CADM2: variants seen among roughly 807,000 people sequenced by gnomAD.
The protein encoded by CADM2 is immunoglobulin superfamily member 4D.
CADM2 carries 12 observed loss-of-function variants against 49.8 expected under a neutral mutation model. That is an observed-to-expected ratio of 0.24 (90% CI 0.15 to 0.39). The LOEUF is 0.39. CADM2 is among the 10% of genes least tolerant of loss of function. The probability of loss-of-function intolerance (pLI) is 1.00; values close to 1 mark genes in which losing one functional copy is unlikely to be tolerated. For synonymous variants in CADM2, 214 were observed against 175.4 expected (o/e 1.22, Z -1.74); for missense variants, 378 against 492.3 (o/e 0.77, Z 2.20).
chr3:84,988,917 T>C (rs1400484585), intron 1 of CADM2, among the ~76,000 whole-genome samples: 30 of 152,174 alleles, frequency 2.0e-4, no homozygotes, highest in Admixed American at 1.8e-3. Flanking sequence ...ATTTAAAAAA[T>C]TATTAATTTA....
intron 1 of CADM2, among the ~76,000 whole-genome samples, chr3:85,511,181 T>A (rs1367888833): frequency 6.6e-6 from 1 of 152,112 alleles, no homozygotes; most frequent in Non-Finnish European, 1.5e-5. Context: ...AGGTTTTGGC[T>A]ACTTTCTCAA....
chr3:85,541,746 T>TATATA (rs1553739241), intron 1 of CADM2, among the ~76,000 whole-genome samples: 7 of 27,774 alleles, frequency 2.5e-4, no homozygotes, highest in Non-Finnish European at 8.2e-4. Flanking sequence ...TATATATATT[T>TATATA]TATATATTTT....
chr3:85,369,047 T>G (rs1012796710), intron 1 of CADM2, among the ~76,000 whole-genome samples: 2 of 152,200 alleles, frequency 1.3e-5, no homozygotes, highest in African/African-American at 4.8e-5. Context: ...TTTCTTCTTA[T>G]GTCTTCCTTC....
chr3:85,324,597 T>A (rs1015895837), intron 1 of CADM2, among the ~76,000 whole-genome samples: 1 of 152,226 alleles, frequency 6.6e-6, no homozygotes, highest in Non-Finnish European at 1.5e-5. Context: ...GCAATTTTTT[T>A]ACATAATTTG....
intron 1 of CADM2, among the ~76,000 whole-genome samples, chr3:85,237,716 A>C (rs1328729190): frequency 6.6e-6 from 1 of 151,708 alleles, no homozygotes; most frequent in East Asian, 1.9e-4. Context: ...TTAAAATATA[A>C]AGTTGTCTTC....
At chr3:85,499,556 T>G (rs1262447771) in intron 1 of CADM2, among the ~76,000 whole-genome samples, 1 of 151,394 alleles carries the variant, frequency 6.6e-6, no homozygotes, top group Non-Finnish European at 1.5e-5. Flanking sequence ...ATTAATGTAT[T>G]ATTAAATAAT....
intron 8 of CADM2, among the ~76,000 whole-genome samples, chr3:86,019,461 T>C (rs1253006284): frequency 1.3e-5 from 2 of 151,204 alleles, no homozygotes; most frequent in Non-Finnish European, 2.9e-5. Flanking sequence ...CTGTAAATTA[T>C]CTTGGGCAGT....
chr3:85,816,279 G>A (rs1407696063), intron 3 of CADM2, among the ~76,000 whole-genome samples: 1 of 151,280 alleles, frequency 6.6e-6, no homozygotes, highest in Non-Finnish European at 1.5e-5. Context: ...CCAACCTAAA[G>A]GTTATTATAC....
intron 1 of CADM2, among the ~76,000 whole-genome samples, chr3:85,591,155 T>G (rs1001466632): frequency 2.0e-5 from 3 of 152,038 alleles, no homozygotes; most frequent in Admixed American, 2.0e-4. Context: ...TTAGTCCTTT[T>G]AAGCCTGTTA....
chr3:85,217,365 A>G (rs1410162508), intron 1 of CADM2, among the ~76,000 whole-genome samples: 1 of 152,004 alleles, frequency 6.6e-6, no homozygotes. Flanking sequence ...ATGTCATTGT[A>G]GAATTATATG....
At chr3:85,638,595 T>G (rs2107544206) in intron 1 of CADM2, among the ~76,000 whole-genome samples, 1 of 152,198 alleles carries the variant, frequency 6.6e-6, no homozygotes, top group South Asian at 2.1e-4. Flanking sequence ...TTGAGCATTT[T>G]TACTGTAAAT....
intron 1 of CADM2, among the ~76,000 whole-genome samples, chr3:85,019,533 T>C (rs1430378560): frequency 1.3e-5 from 2 of 152,264 alleles, no homozygotes; most frequent in African/African-American, 4.8e-5. Context: ...CCTTCAGTCC[T>C]GAGCAAACCA....
At chr3:85,143,193 T>C (rs1356917181) in intron 1 of CADM2, among the ~76,000 whole-genome samples, 2 of 152,210 alleles carry the variant, frequency 1.3e-5, no homozygotes, top group Non-Finnish European at 2.9e-5. Context: ...GGAATAATTT[T>C]ATTGTGTGAC....
At chr3:85,610,053 G>T (rs73843693) in intron 1 of CADM2, among the ~76,000 whole-genome samples, 1,701 of 151,994 alleles carry the variant, frequency 0.011, 35 homozygotes, top group African/African-American at 0.039. Flanking sequence ...TTTCACGATG[G>T]TAAAAATGAT....
intron 1 of CADM2, among the ~76,000 whole-genome samples, chr3:85,156,841 C>A (rs1420811414): frequency 1.3e-5 from 2 of 152,194 alleles, no homozygotes; most frequent in South Asian, 2.1e-4. Flanking sequence ...CTGGCCAGGG[C>A]AATTAGGCAG....
At chr3:85,160,983 C>G (rs1016278625) in intron 1 of CADM2, among the ~76,000 whole-genome samples, 30 of 152,236 alleles carry the variant, frequency 2.0e-4, no homozygotes, top group African/African-American at 6.5e-4. Flanking sequence ...GCAAAGAAAG[C>G]TTGTAAAGCT....
intron 8 of CADM2, among the ~76,000 whole-genome samples, chr3:86,029,753 A>T (rs1734335445): frequency 6.6e-6 from 1 of 152,028 alleles, no homozygotes; most frequent in South Asian, 2.1e-4. Context: ...GACAGGGAAC[A>T]CCTCAGAGGG....
chr3:85,706,241 C>T (rs1237065917), intron 1 of CADM2, among the ~76,000 whole-genome samples: 1 of 152,172 alleles, frequency 6.6e-6, no homozygotes, highest in South Asian at 2.1e-4. Flanking sequence ...AACCCCACTT[C>T]AGTATTATCA....
intron 1 of CADM2, among the ~76,000 whole-genome samples, chr3:85,175,816 A>C (rs1324040764): frequency 1.3e-5 from 2 of 152,126 alleles, no homozygotes; most frequent in African/African-American, 4.8e-5. Context: ...GTATTACAAG[A>C]AGCGGAGTAA....
Sources: allele counts gnomAD v4.1 joint callset (sites outside exome capture counted in the v4.1 genomes callset), GRCh38; gene constraint gnomAD v4.1.1; transcripts MANE v1.5; gene names NCBI Gene and HGNC (gene_info 2026-07-23, HGNC 2026-07-21).